KCNG3: variants seen among roughly 807,000 people sequenced by gnomAD.
KCNG3 encodes potassium voltage-gated channel modifier subfamily G member 3.
Under a neutral mutation model 29.0 loss-of-function variants are expected in KCNG3, and 15 were observed. The observed-to-expected ratio is 0.52, with a 90% CI of 0.35 to 0.80. KCNG3 has a LOEUF of 0.80. Ranked by LOEUF, KCNG3 falls within the 30% of genes least tolerant of loss-of-function variation. The probability of loss-of-function intolerance (pLI) is 0.01; values close to 1 mark genes in which losing one functional copy is unlikely to be tolerated. For missense variants in KCNG3, 512 were observed against 605.7 expected, an observed-to-expected ratio of 0.85 and a Z score of 1.62; for synonymous variants, 322 against 248.9, an observed-to-expected ratio of 1.29 and a Z score of -2.76.
the KCNG3 span, among the ~76,000 whole-genome samples, chr2:42,404,683 G>A: frequency 6.6e-6 from 1 of 152,078 alleles, no homozygotes; most frequent in Non-Finnish European, 1.5e-5. Context: ...AGCTGAGATT[G>A]TGCCACTGCA....
chr2:42,426,651 A>G, the KCNG3 span, among the ~76,000 whole-genome samples: 6 of 152,158 alleles, frequency 3.9e-5, no homozygotes, highest in South Asian at 2.1e-4. Flanking sequence ...CACACATATT[A>G]TTTTTTTCCA....
chr2:42,419,118 C>T, the KCNG3 span, among the ~76,000 whole-genome samples: 7 of 143,908 alleles, frequency 4.9e-5, no homozygotes, highest in East Asian at 2.2e-4. Context: ...TGCTACTGTG[C>T]GTTTTAGCTG....
At chr2:42,473,354 TTTTG>T (rs901736887) in intron 1 of KCNG3, among the ~76,000 whole-genome samples, 11 of 151,426 alleles carry the variant, frequency 7.3e-5, no homozygotes, top group Non-Finnish European at 1.6e-4. Flanking sequence ...TTTCTTTTTT[TTTTG>T]TTTGTTTTTT....
rs1481679982 is a variant in KCNG3 at position 42,454,119 on chromosome 2, G to C, written c.666-9540C>G. Reference sequence around the variant, plus strand: ...AAAAAAAAAAAAAAAAATCACACCAGAAAATCACAAGTGTCTTGAGCACTG... The same window carrying C: ...AAAAAAAAAAAAAAAAATCACACCACAAAATCACAAGTGTCTTGAGCACTG... On this transcript the variant is annotated intron_variant, in intron 1 of 1. Coordinates refer to ENST00000306078, the MANE Select transcript of KCNG3 (RefSeq NM_133329.6). Among the ~76,000 whole-genome samples the C allele has an allele frequency of 2.7e-5, 4 of 146,804 alleles. No homozygotes were observed. In the East Asian group the frequency reaches 6.0e-4, roughly 22 times the overall value.
chr2:42,452,243 A>ATATATATATTTTTTTTT, intron 1 of KCNG3, among the ~76,000 whole-genome samples: 1 of 95,052 alleles, frequency 1.1e-5, no homozygotes, highest in East Asian at 4.6e-4. Context: ...ATATATATAT[A>ATATATATATTTTTTTTT]TTTTTTTTTT....
chr2:42,465,935 G>C (rs1231445060), intron 1 of KCNG3, among the ~76,000 whole-genome samples: 2 of 152,106 alleles, frequency 1.3e-5, no homozygotes, highest in African/African-American at 2.4e-5. Flanking sequence ...ACTTGAGACA[G>C]AATAACAAAA....
downstream of KCNG3, among the ~76,000 whole-genome samples, chr2:42,438,950 T>C (rs1672422166): frequency 6.6e-6 from 1 of 152,198 alleles, no homozygotes; most frequent in Non-Finnish European, 1.5e-5. Flanking sequence ...AGTAAATGGA[T>C]GCAACCTTTC....
the KCNG3 span, among the ~76,000 whole-genome samples, chr2:42,391,536 C>G: frequency 2.0e-5 from 3 of 148,442 alleles, no homozygotes; most frequent in Non-Finnish European, 4.5e-5. Flanking sequence ...CCAGCCTTCT[C>G]AATAATCAAG....
the KCNG3 span, among the ~76,000 whole-genome samples, chr2:42,433,163 C>T: frequency 6.6e-5 from 10 of 152,066 alleles, no homozygotes; most frequent in East Asian, 1.9e-4. Flanking sequence ...AAGAGAAAGA[C>T]GTAAGATACC....
the KCNG3 span, among the ~76,000 whole-genome samples, chr2:42,393,335 C>T: frequency 1.3e-5 from 2 of 150,850 alleles, no homozygotes; most frequent in African/African-American, 2.4e-5. Flanking sequence ...CCAAGGTGGG[C>T]AGATCACTTG....
chr2:42,453,092 G>A (rs562091106), intron 1 of KCNG3, among the ~76,000 whole-genome samples: 15 of 152,064 alleles, frequency 9.9e-5, no homozygotes, highest in Admixed American at 3.3e-4. Context: ...ACATTCATTT[G>A]TTGATGACAC....
At chr2:42,422,936 G>A in the KCNG3 span, among the ~76,000 whole-genome samples, 1 of 152,018 alleles carries the variant, frequency 6.6e-6, no homozygotes, top group Admixed American at 6.6e-5. Flanking sequence ...TGGTCTCCAG[G>A]GACCAAGCCT....
the KCNG3 span, among the ~76,000 whole-genome samples, chr2:42,433,367 G>A: frequency 3.9e-5 from 6 of 152,126 alleles, no homozygotes; most frequent in African/African-American, 1.4e-4. Flanking sequence ...TGTCTGTGAG[G>A]GTGTTTCCAG....
rs1360247873 is a variant in KCNG3, at chr2:42,477,450, C to T, written c.665+15387G>A. Among the ~76,000 whole-genome samples the T allele has an allele frequency of 9.2e-4, 98 of 107,084 alleles. 1 individual carries two copies. The highest frequency in any genetic ancestry group is 3.5e-3 in the African/African-American group (92 of 26,656). The allele number at this position is 107,084 out of a possible 152,430, so 70.3% of individuals were successfully genotyped here. A position where few individuals can be genotyped will look rare whatever the true frequency, so the allele number is the denominator to read the frequency against. ...ATATTTTTTTTTTTTTTTTTTGAGA[C>T]GGAGTCTTGCTCTGTCGCCCAGGCT... On this transcript the variant is annotated intron_variant, in intron 1 of 1. Transcript: ENST00000306078.
At chr2:42,464,822 G>T (rs890458101) in intron 1 of KCNG3, among the ~76,000 whole-genome samples, 7 of 152,112 alleles carry the variant, frequency 4.6e-5, no homozygotes, top group African/African-American at 1.4e-4. Flanking sequence ...CTTATCTCTA[G>T]CAGTGCACAT....
At chr2:42,430,016 A>G in the KCNG3 span, among the ~76,000 whole-genome samples, 1 of 152,134 alleles carries the variant, frequency 6.6e-6, no homozygotes, top group African/African-American at 2.4e-5. Flanking sequence ...AGAGAAAGAT[A>G]TATTTTTGAG....
chr2:42,449,460 C>G (rs1212945642), intron 1 of KCNG3, among the ~76,000 whole-genome samples: 1 of 145,036 alleles, frequency 6.9e-6, no homozygotes, highest in African/African-American at 2.5e-5. Context: ...CCTAAAGTAC[C>G]TACTATCATT....
chr2:42,392,166 T>C, the KCNG3 span, among the ~76,000 whole-genome samples: 5 of 152,168 alleles, frequency 3.3e-5, no homozygotes, highest in Admixed American at 2.0e-4. Flanking sequence ...AAATGCCTTA[T>C]AGGCATGAAC....
intron 1 of KCNG3, among the ~76,000 whole-genome samples, chr2:42,479,573 T>A: frequency 6.7e-6 from 1 of 148,324 alleles, no homozygotes; most frequent in South Asian, 2.1e-4. Context: ...TTGAGCTCAG[T>A]AGGTCGAGGC....
Sources: allele counts gnomAD v4.1 joint callset (sites outside exome capture counted in the v4.1 genomes callset), GRCh38; gene constraint gnomAD v4.1.1; transcripts MANE v1.5; gene names NCBI Gene and HGNC (gene_info 2026-07-23, HGNC 2026-07-21).